The following DMC1 variants were observed in gnomAD, a reference collection of about 807,000 sequenced individuals.
The protein encoded by DMC1 is DNA meiotic recombinase 1.
Under a neutral mutation model 50.1 loss-of-function variants are expected in DMC1, and 27 were observed. That is an observed-to-expected ratio of 0.54 (90% confidence interval 0.40 to 0.74). The LOEUF (loss-of-function observed/expected upper bound fraction) is 0.74. Among genes scored for constraint, DMC1 ranks in the 30% least tolerant of loss-of-function variants. The pLI is 0.00. For missense variants in DMC1, 295 were observed against 420.2 expected (o/e 0.70, Z 2.60); for synonymous variants, 148 against 136.1 (o/e 1.09, Z -0.61).
chr22:38,527,789 G>A (rs1011906090), intron 12 of DMC1, among the ~76,000 whole-genome samples: 10 of 152,060 alleles, frequency 6.6e-5, no homozygotes, highest in African/African-American at 2.4e-4. Context: ...AAAGTGCTGG[G>A]ATTACAGGTG....
intron 7 of DMC1, among the ~76,000 whole-genome samples, chr22:38,551,537 C>A (rs904830153): frequency 4.0e-5 from 6 of 151,838 alleles, no homozygotes; most frequent in Non-Finnish European, 7.4e-5. Context: ...ACCATGTTTA[C>A]CAGGCTGGTC....
intron 6 of DMC1, among the ~76,000 whole-genome samples, chr22:38,554,153 A>C (rs1239602287): frequency 6.6e-6 from 1 of 151,722 alleles, no homozygotes; most frequent in Admixed American, 6.6e-5. Context: ...AATAAATGAA[A>C]ATAAAATAAA....
intron 8 of DMC1, among the ~76,000 whole-genome samples, chr22:38,547,691 C>T (rs2090358314): frequency 6.6e-6 from 1 of 152,114 alleles, no homozygotes; most frequent in Admixed American, 6.5e-5. Context: ...AGGCATGTGC[C>T]GCCACGCCCG....
chr22:38,558,658 T>C (rs1342953114), intron 5 of DMC1, among the ~76,000 whole-genome samples: 1 of 151,904 alleles, frequency 6.6e-6, no homozygotes, highest in Non-Finnish European at 1.5e-5. Flanking sequence ...GAGGTTGCAG[T>C]GAGCCGAGAT....
intron 8 of DMC1, among the ~76,000 whole-genome samples, chr22:38,541,489 G>T (rs1379599637): frequency 1.3e-5 from 2 of 152,018 alleles, no homozygotes; most frequent in East Asian, 1.9e-4. Flanking sequence ...ACAAGGTTTC[G>T]CCATGTTGGC....
At chr22:38,534,187 A>T (rs1478839533) in intron 12 of DMC1, among the ~76,000 whole-genome samples, 1 of 152,228 alleles carries the variant, frequency 6.6e-6, no homozygotes, top group Non-Finnish European at 1.5e-5. Context: ...ACTATAAAGG[A>T]CATTATTGGG....
intron 12 of DMC1, among the ~76,000 whole-genome samples, chr22:38,531,246 G>C (rs751442715): frequency 2.0e-5 from 3 of 152,084 alleles, no homozygotes; most frequent in Non-Finnish European, 4.4e-5. Flanking sequence ...CTGATACTTT[G>C]ACTTTTTATC....
At chr22:38,542,575 A>G (rs772259983) in intron 8 of DMC1, among the ~76,000 whole-genome samples, 1 of 152,204 alleles carries the variant, frequency 6.6e-6, no homozygotes, top group Non-Finnish European at 1.5e-5. Context: ...AAACAGAAAG[A>G]TATTGCATGT....
At chr22:38,521,985 C>T (rs1298095923) in intron 12 of DMC1, among the ~76,000 whole-genome samples, 1 of 151,328 alleles carries the variant, frequency 6.6e-6, no homozygotes, top group Non-Finnish European at 1.5e-5. Flanking sequence ...TGGAGTCTAG[C>T]TGTGTCGCCC....
At chr22:38,539,162 T>A (rs1318230814) in intron 9 of DMC1, among the ~76,000 whole-genome samples, 159 bp downstream of exon 9, 3 of 152,178 alleles carry the variant, frequency 2.0e-5, no homozygotes, top group African/African-American at 7.2e-5. Context: ...CACTTTATTA[T>A]CTAAGGACTT....
intron 5 of DMC1, among the ~76,000 whole-genome samples, chr22:38,557,503 C>T (rs1168830825): frequency 6.6e-6 from 1 of 151,938 alleles, no homozygotes; most frequent in African/African-American, 2.4e-5. Context: ...CCTGGGAGTT[C>T]AAGACCAGCC....
intron 3 of DMC1, 86 bp downstream of exon 3, chr22:38,567,497 G>C: frequency 7.6e-6 from 9 of 1,179,538 alleles, no homozygotes; most frequent in East Asian, 4.7e-5. Context: ...TTGCAACAAA[G>C]AATTATCCAG....
At chr22:38,511,437 G>A in the DMC1 span, among the ~76,000 whole-genome samples, 1 of 151,972 alleles carries the variant, frequency 6.6e-6, no homozygotes, top group Non-Finnish European at 1.5e-5. Flanking sequence ...AAATTAGCTG[G>A]GTGTGGTGGT....
rs146747731 is a variant in DMC1 at position 38,539,308 on chromosome 22, A to G, written c.586+13T>C. 5.1e-5 allele frequency: 81 copies of G among 1,591,920 alleles called. No homozygotes were observed. The African/African-American group carries it at 8.0e-4, about 16-fold the overall frequency. ...TACATTGACCCAAGCATCCAACTGC[A>G]TGGGGCTCTTACTAGTATATGCACG... On this transcript the variant is annotated intron_variant, in intron 9 of 13. Coordinates refer to ENST00000216024, the MANE Select transcript of DMC1 (RefSeq NM_007068.4).
intron 12 of DMC1, among the ~76,000 whole-genome samples, chr22:38,529,770 C>T (rs1014117321): frequency 2.0e-5 from 3 of 152,092 alleles, no homozygotes; most frequent in African/African-American, 7.2e-5. Context: ...CCTCTGTTTC[C>T]ACCTTTATAA....
At chr22:38,520,790 A>G (rs2090015670) in intron 13 of DMC1, among the ~76,000 whole-genome samples, 1 of 152,180 alleles carries the variant, frequency 6.6e-6, no homozygotes, top group South Asian at 2.1e-4. Flanking sequence ...ACTTTGAAAT[A>G]AATTAAAAGA....
rs553864233 is a variant in DMC1 at position 38,557,295 on chromosome 22, T to C, written c.327-1886A>G. On this transcript the variant is annotated intron_variant, in intron 5 of 13. Coordinates refer to ENST00000216024, the MANE Select transcript of DMC1 (RefSeq NM_007068.4). ...CCCCAAATTATTTGGGATAGCACAA[T>C]TGTTTCCTTTTTGAGACTCAGGAAA... 2.7e-3 allele frequency among the ~76,000 whole-genome samples: 407 copies of C among 151,394 alleles called. 1 individual carries two copies. The highest frequency in any genetic ancestry group is 4.7e-3 in the Non-Finnish European group (320 of 68,032).
chr22:38,568,615 C>T (rs1206439363), intron 1 of DMC1, among the ~76,000 whole-genome samples: 1 of 152,134 alleles, frequency 6.6e-6, no homozygotes, highest in East Asian at 1.9e-4. Flanking sequence ...TTATTACTGC[C>T]TTGAATGTTA....
chr22:38,512,657 C>T, the DMC1 span, among the ~76,000 whole-genome samples: 1 of 152,192 alleles, frequency 6.6e-6, no homozygotes, highest in Middle Eastern at 3.2e-3. Flanking sequence ...GTTAAGCAAG[C>T]CCCTCCTGGC....
Sources: gnomAD v4.1 joint callset for allele counts (sites outside exome capture counted in the v4.1 genomes callset) on GRCh38, gnomAD v4.1.1 for gene constraint, MANE v1.5 for transcripts, NCBI Gene and HGNC (gene_info 2026-07-23, HGNC 2026-07-21) for gene names.